The following ENPP2 variants were observed in gnomAD, a reference collection of about 807,000 sequenced individuals.
ENPP2 encodes the protein ectonucleotide pyrophosphatase/phosphodiesterase 2.
A neutral mutation model predicts 120.2 loss-of-function variants in ENPP2; 51 were observed. That is an observed-to-expected ratio of 0.42 (90% confidence interval 0.34 to 0.54). The LOEUF (loss-of-function observed/expected upper bound fraction) is 0.54. ENPP2 is among the 20% of genes least tolerant of loss of function. ENPP2 has a pLI of 0.04. For missense variants in ENPP2, 920 were observed against 1,066.5 expected (o/e 0.86, Z 1.91); for synonymous variants, 365 against 366.4 (o/e 1.00, Z 0.04).
chr8:119,623,673 T>A (rs1416005423), intron 3 of ENPP2, among the ~76,000 whole-genome samples: 2 of 152,106 alleles, frequency 1.3e-5, no homozygotes, highest in African/African-American at 4.8e-5. Flanking sequence ...TCGCCTGGGC[T>A]AGAGTGCAGT....
chr8:119,654,593 C>T (rs1188134267), intron 1 of ENPP2, among the ~76,000 whole-genome samples: 2 of 151,352 alleles, frequency 1.3e-5, no homozygotes, highest in Non-Finnish European at 2.9e-5. Flanking sequence ...AATGTTCCCG[C>T]CTCAGCCCCA....
chr8:119,597,316 C>G (rs999232243), intron 11 of ENPP2, among the ~76,000 whole-genome samples: 7 of 152,168 alleles, frequency 4.6e-5, no homozygotes, highest in Admixed American at 2.6e-4. Flanking sequence ...GCGCTCAAGT[C>G]GGCCCATCAA....
At chr8:119,633,579 T>C (rs1423986211) in intron 2 of ENPP2, among the ~76,000 whole-genome samples, 1 of 151,964 alleles carries the variant, frequency 6.6e-6, no homozygotes, top group Non-Finnish European at 1.5e-5. Flanking sequence ...AGCTCTAGAG[T>C]TAATACTGTA....
At chr8:119,566,934 A>G (rs1814500133) in intron 22 of ENPP2, among the ~76,000 whole-genome samples, 1 of 152,242 alleles carries the variant, frequency 6.6e-6, no homozygotes, top group Admixed American at 6.5e-5. Flanking sequence ...CTCTTTGAAT[A>G]AACCTTCGTT....
At chr8:119,568,566 A>G (rs1814684134) in intron 21 of ENPP2, among the ~76,000 whole-genome samples, 1 of 152,138 alleles carries the variant, frequency 6.6e-6, no homozygotes, top group Non-Finnish European at 1.5e-5. Context: ...GACTTAAAAA[A>G]AAATCATCAA....
In ENPP2 at chr8:119,569,389, C is replaced by T; in HGVS notation, c.1918-19G>A. The T allele has an allele frequency of 6.2e-7, 1 of 1,613,284 alleles. No homozygotes were observed. Among genetic ancestry groups the T allele is most frequent in the Non-Finnish European group, 8.5e-7 (1 of 1,179,730 alleles). On this transcript the variant is annotated intron_variant, in intron 20 of 24. Coordinates refer to ENST00000075322, the MANE Select transcript of ENPP2 (RefSeq NM_001040092.3). Reference sequence around the variant, plus strand: ...CCTCAGCCTGCACGGGAGTCAGAGGCACTCAGCAATGCCGTGGCTCTGTTA... The same window carrying T: ...CCTCAGCCTGCACGGGAGTCAGAGGTACTCAGCAATGCCGTGGCTCTGTTA...
intron 21 of ENPP2, 51 bp downstream of exon 21, chr8:119,569,184 C>A (rs1814741450): frequency 1.9e-6 from 3 of 1,573,210 alleles, no homozygotes; most frequent in Non-Finnish European, 2.6e-6. Flanking sequence ...ACCAAGATTG[C>A]ACAATGTGAC....
intron 9 of ENPP2, 95 bp downstream of exon 9, chr8:119,607,827 C>A: frequency 1.2e-6 from 1 of 802,972 alleles, no homozygotes; most frequent in Non-Finnish European, 2.0e-6. Flanking sequence ...TATATTTTCA[C>A]ATTTAACTGA....
At chr8:119,618,313 C>A in intron 5 of ENPP2, 1 of 486,386 alleles carries the variant, frequency 2.1e-6, no homozygotes, top group South Asian at 1.5e-5. Flanking sequence ...TGCTTTTGTT[C>A]TTATGGGCCT....
intron 1 of ENPP2, among the ~76,000 whole-genome samples, chr8:119,668,214 T>C (rs959750089): frequency 2.6e-5 from 4 of 152,184 alleles, no homozygotes; most frequent in Non-Finnish European, 5.9e-5. Context: ...AGATCAGGTC[T>C]TCTTCAGCAC....
Position 119,601,410 on chromosome 8 carries a change from G to T in ENPP2, c.886C>A (p.Pro296Thr). 4 of 1,605,096 alleles carry T rather than the reference G, an allele frequency of 2.5e-6. No homozygotes were observed. Among genetic ancestry groups the T allele is most frequent in the Non-Finnish European group, 3.4e-6 (4 of 1,171,902 alleles). Residue 296 changes from proline to threonine, a missense_variant, in exon 10 of 25, where the codon CCA becomes ACA. Physicochemically the swap from Pro to Thr is conservative, Grantham distance 38. Coordinates refer to ENST00000075322, the MANE Select transcript of ENPP2 (RefSeq NM_001040092.3). Reference sequence around the variant, plus strand: ...AGAAATAAATACCTCTCATGATCTGGCAGGGTGAGCCACTGCAATATGGTT... The same window carrying T: ...AGAAATAAATACCTCTCATGATCTGTCAGGGTGAGCCACTGCAATATGGTT... ...ILTILQWLTL[P>T]DHERPSVYAF...
At chr8:119,658,056 G>A (rs941345937) in intron 1 of ENPP2, among the ~76,000 whole-genome samples, 7 of 152,172 alleles carry the variant, frequency 4.6e-5, no homozygotes, top group African/African-American at 1.7e-4. Flanking sequence ...ATAGATGCTT[G>A]CAGAGGAAGT....
intron 13 of ENPP2, among the ~76,000 whole-genome samples, chr8:119,589,176 T>C (rs775422238): frequency 4.5e-4 from 69 of 152,212 alleles, no homozygotes; most frequent in Admixed American, 2.0e-4. Context: ...CTGATCTAAA[T>C]TATGTAAACA....
chr8:119,558,683 A>G (rs138005356), intron 24 of ENPP2, among the ~76,000 whole-genome samples: 1 of 151,416 alleles, frequency 6.6e-6, no homozygotes, highest in African/African-American at 2.4e-5. Flanking sequence ...CCCTGTGAAT[A>G]TGGAGCAGTG....
chr8:119,651,142 A>G (rs1817615614), intron 1 of ENPP2, among the ~76,000 whole-genome samples: 1 of 152,164 alleles, frequency 6.6e-6, no homozygotes. Context: ...ATGGGCATGT[A>G]TTATAATGGT....
exon 1 of ENPP2, chr8:119,673,324 GGGCT>G: frequency 6.5e-7 from 1 of 1,532,918 alleles, no homozygotes; most frequent in African/African-American, 1.4e-5. Flanking sequence ...GACGCGGCCT[GGGCT>G]GCAGCCCCGC....
chr8:119,572,204 G>A (rs761159807), intron 19 of ENPP2: 50 of 1,554,836 alleles, frequency 3.2e-5, no homozygotes, highest in Non-Finnish European at 4.0e-5. Context: ...TTCCATTAAT[G>A]TTTTCCTTGT....
intron 19 of ENPP2, among the ~76,000 whole-genome samples, chr8:119,575,469 T>G (rs1812268859): frequency 6.6e-6 from 1 of 152,162 alleles, no homozygotes; most frequent in Non-Finnish European, 1.5e-5. Context: ...ACAAATTTTT[T>G]GTTGAGCAAA....
intron 2 of ENPP2, among the ~76,000 whole-genome samples, chr8:119,631,790 AT>A (rs925362810): frequency 3.9e-5 from 6 of 151,976 alleles, no homozygotes; most frequent in African/African-American, 9.7e-5. Context: ...TTTTTTAATC[AT>A]TTTTTATGGA....
Sources: gnomAD v4.1 joint callset for allele counts (sites outside exome capture counted in the v4.1 genomes callset) on GRCh38, gnomAD v4.1.1 for gene constraint, MANE v1.5 for transcripts, NCBI Gene and HGNC (gene_info 2026-07-23, HGNC 2026-07-21) for gene names.